Variants in POU6F2 observed in about 807,000 individuals in gnomAD.
POU6F2 encodes the protein POU class 6 homeobox 2.
A neutral mutation model predicts 71.3 loss-of-function variants in POU6F2; 31 were observed. That is an observed-to-expected ratio of 0.43 (90% CI 0.33 to 0.59). The LOEUF (loss-of-function observed/expected upper bound fraction) is 0.59. Among genes scored for constraint, POU6F2 ranks in the 20% least tolerant of loss-of-function variants. POU6F2 has a pLI of 0.04. For synonymous variants in POU6F2, 347 were observed against 355.7 expected (o/e 0.98, Z 0.27); for missense variants, 783 against 856.8 (o/e 0.91, Z 1.07).
chr7:39,294,301 A>G (rs920558787), intron 4 of POU6F2, among the ~76,000 whole-genome samples: 14 of 150,468 alleles, frequency 9.3e-5, no homozygotes, highest in African/African-American at 3.4e-4. Flanking sequence ...TCATTTGTCT[A>G]ACAATAGTAT....
At position 39,460,203 on chromosome 7, in the gene POU6F2, T is replaced by G. The variant is rs1163898861; in HGVS notation, c.1490-344T>G. Among the ~76,000 whole-genome samples, 3 of 152,230 alleles carry G rather than the reference T, an allele frequency of 2.0e-5. No individual in the cohort carries two copies. Among genetic ancestry groups the G allele is most frequent in the Non-Finnish European group, 4.4e-5 (3 of 68,046 alleles). On this transcript the variant is annotated intron_variant, in intron 8 of 9. Coordinates refer to ENST00000518318, the MANE Select transcript of POU6F2 (RefSeq NM_001370959.1). This position sits in a 1 kb window ranked among gnomAD's most constrained non-coding sequence, Gnocchi z 4.4. ...ATTTTTGCACAATATTTGAACATAC[T>G]TATGGGCAAAATGGAGTCGCATTCC...
At chr7:39,196,857 C>T (rs1307976592) in intron 2 of POU6F2, among the ~76,000 whole-genome samples, 7 of 152,124 alleles carry the variant, frequency 4.6e-5, no homozygotes, top group Non-Finnish European at 1.0e-4. Context: ...TTTGAGGATC[C>T]TTTCTGAGGT....
intron 1 of POU6F2, among the ~76,000 whole-genome samples, chr7:38,989,885 A>T (rs1349730109): frequency 1.3e-5 from 2 of 151,590 alleles, no homozygotes; most frequent in Non-Finnish European, 2.9e-5. Flanking sequence ...AGGCTTGAAA[A>T]CAGGTTCATA....
At chr7:39,196,965 G>C (rs1179310887) in intron 2 of POU6F2, among the ~76,000 whole-genome samples, 1 of 152,202 alleles carries the variant, frequency 6.6e-6, no homozygotes, top group Non-Finnish European at 1.5e-5. Context: ...AGCAGGTGAT[G>C]GCTGCAGTCT....
intron 4 of POU6F2, among the ~76,000 whole-genome samples, chr7:39,217,564 G>A (rs975980322): frequency 3.9e-5 from 6 of 152,144 alleles, no homozygotes; most frequent in African/African-American, 9.7e-5. Flanking sequence ...GAGAAGAAAG[G>A]ACTTTGGTTC....
chr7:39,386,227 T>C (rs1786941252), intron 5 of POU6F2, among the ~76,000 whole-genome samples: 1 of 152,136 alleles, frequency 6.6e-6, no homozygotes, highest in South Asian at 2.1e-4. Context: ...ATAGCTTGAT[T>C]TCTCTCTGCT....
intron 1 of POU6F2, among the ~76,000 whole-genome samples, chr7:39,039,870 G>C (rs1790146544): frequency 6.7e-6 from 1 of 149,730 alleles, no homozygotes; most frequent in African/African-American, 2.5e-5. Context: ...GCTCAACTTG[G>C]TGTGATATCG....
chr7:39,014,573 A>T (rs1346336287), intron 1 of POU6F2, among the ~76,000 whole-genome samples: 1 of 152,198 alleles, frequency 6.6e-6, no homozygotes, highest in Non-Finnish European at 1.5e-5. Flanking sequence ...TCACCTGATA[A>T]ATCCTTGTGA....
intron 1 of POU6F2, among the ~76,000 whole-genome samples, chr7:39,036,595 A>G (rs747102293): frequency 6.6e-6 from 1 of 151,966 alleles, no homozygotes; most frequent in South Asian, 2.1e-4. Context: ...GTTTTTAGTT[A>G]TGATTCTTAG....
At chr7:39,399,929 C>T (rs2115868261) in intron 5 of POU6F2, among the ~76,000 whole-genome samples, 1 of 152,228 alleles carries the variant, frequency 6.6e-6, no homozygotes, top group South Asian at 2.1e-4. Context: ...GCAGGAGCTT[C>T]TGTCGCCAGG....
intron 1 of POU6F2, among the ~76,000 whole-genome samples, chr7:39,003,923 GA>G (rs1554305955): frequency 6.6e-6 from 1 of 151,792 alleles, no homozygotes; most frequent in Non-Finnish European, 1.5e-5. Context: ...TAAAAGTGTA[GA>G]AAAAAAGACC....
intron 2 of POU6F2, among the ~76,000 whole-genome samples, chr7:39,166,742 A>G (rs1319034032): frequency 6.6e-6 from 1 of 152,060 alleles, no homozygotes; most frequent in Non-Finnish European, 1.5e-5. Flanking sequence ...CCAACTGCTG[A>G]GCCTACCTGT....
chr7:39,015,332 A>G (rs1273016518), intron 1 of POU6F2, among the ~76,000 whole-genome samples: 1 of 135,606 alleles, frequency 7.4e-6, no homozygotes, highest in Non-Finnish European at 1.5e-5. Flanking sequence ...TATAATATAT[A>G]TTATAATATA....
intron 5 of POU6F2, among the ~76,000 whole-genome samples, chr7:39,342,282 AT>A (rs201261353): frequency 6.6e-6 from 1 of 151,912 alleles, no homozygotes; most frequent in South Asian, 2.1e-4. Flanking sequence ...TTTAAAAAAA[AT>A]TTTTACACTA....
At chr7:39,013,760 G>A (rs1381630693) in intron 1 of POU6F2, among the ~76,000 whole-genome samples, 1 of 152,160 alleles carries the variant, frequency 6.6e-6, no homozygotes, top group Non-Finnish European at 1.5e-5. Flanking sequence ...TAAACACCAA[G>A]GGAGTGGAGC....
chr7:39,298,101 T>G (rs376223106), intron 4 of POU6F2, among the ~76,000 whole-genome samples: 13 of 152,262 alleles, frequency 8.5e-5, no homozygotes, highest in African/African-American at 3.1e-4. Context: ...GACGTAGGCA[T>G]GAGCAAAGAC....
At chr7:39,361,652 C>G (rs1786392144) in intron 5 of POU6F2, among the ~76,000 whole-genome samples, 1 of 152,196 alleles carries the variant, frequency 6.6e-6, no homozygotes. Context: ...GACTGCCGAA[C>G]ACATCATCAA....
At chr7:39,342,847 C>A (rs3800853) in intron 5 of POU6F2, among the ~76,000 whole-genome samples, 27,486 of 152,140 alleles carry the variant, frequency 0.18, 2,983 homozygotes, top group East Asian at 0.58. Context: ...TTACTGAATT[C>A]TGTGAAAAGG....
chr7:39,093,770 C>T (rs1353399158), intron 2 of POU6F2, among the ~76,000 whole-genome samples: 1 of 152,050 alleles, frequency 6.6e-6, no homozygotes, highest in Non-Finnish European at 1.5e-5. Flanking sequence ...CATTTCCTTA[C>T]CACTTCCATA....
Sources: gnomAD v4.1 joint callset for allele counts (sites outside exome capture counted in the v4.1 genomes callset) on GRCh38, gnomAD v4.1.1 for gene constraint, Gnocchi (gnomAD v3.1) non-coding constraint, MANE v1.5 for transcripts, NCBI Gene and HGNC (gene_info 2026-07-23, HGNC 2026-07-21) for gene names.